The following USP43 variants were observed in gnomAD, a reference collection of about 807,000 sequenced individuals.
USP43 encodes the protein ubiquitin carboxyl-terminal hydrolase 43.
A neutral mutation model predicts 90.7 loss-of-function variants in USP43; 33 were observed. The observed-to-expected ratio is 0.36, with a 90% CI of 0.28 to 0.49. USP43 has a LOEUF of 0.49. Ranked by LOEUF, USP43 falls within the 20% of genes least tolerant of loss-of-function variation. The pLI is 0.98. For missense variants in USP43, 1,274 were observed against 1,476.4 expected (o/e 0.86, Z 2.25); for synonymous variants, 598 against 615.8 (o/e 0.97, Z 0.43).
chr17:9,649,256 G>T (rs191607090), intron 1 of USP43, among the ~76,000 whole-genome samples: 4 of 152,240 alleles, frequency 2.6e-5, no homozygotes, highest in Non-Finnish European at 5.9e-5. Context: ...GCAGTGAGCC[G>T]AGATCGTGCC....
intron 2 of USP43, among the ~76,000 whole-genome samples, chr17:9,662,334 G>T (rs1912699519): frequency 6.6e-6 from 1 of 152,112 alleles, no homozygotes; most frequent in Non-Finnish European, 1.5e-5. Flanking sequence ...CCTCCTCCAA[G>T]TGCCCTTCCC....
intron 1 of USP43, among the ~76,000 whole-genome samples, chr17:9,651,116 C>T (rs77325585): frequency 0.029 from 4,465 of 152,014 alleles, 214 homozygotes; most frequent in African/African-American, 0.1. Context: ...GCGAGGTGGA[C>T]GATTTTTCCA....
At chr17:9,675,059 A>G (rs1399499204) in intron 4 of USP43, 76 bp downstream of exon 4, 1 of 1,278,720 alleles carries the variant, frequency 7.8e-7, no homozygotes, top group Admixed American at 1.7e-5. Flanking sequence ...CTGGCCTCAC[A>G]CCTGCCATTT....
intron 9 of USP43, among the ~76,000 whole-genome samples, chr17:9,699,430 C>T (rs1216554483): frequency 6.6e-6 from 1 of 152,240 alleles, no homozygotes; most frequent in Non-Finnish European, 1.5e-5. Context: ...TTTGTGCCTT[C>T]CATGAGCTCA....
At chr17:9,656,799 G>A (rs1406475248) in intron 2 of USP43, among the ~76,000 whole-genome samples, 8 of 152,154 alleles carry the variant, frequency 5.3e-5, no homozygotes, top group Admixed American at 5.2e-4. Flanking sequence ...AATAAGAAAA[G>A]TCTTTTCTTT....
At chr17:9,718,759 G>T (rs553076535) in intron 14 of USP43, among the ~76,000 whole-genome samples, 1 of 152,028 alleles carries the variant, frequency 6.6e-6, no homozygotes, top group South Asian at 2.1e-4. Flanking sequence ...AGAATTGCTT[G>T]AACCCGGGAG....
chr17:9,704,701 A>T (rs1203308332), intron 12 of USP43, among the ~76,000 whole-genome samples: 1 of 152,022 alleles, frequency 6.6e-6, no homozygotes, highest in East Asian at 1.9e-4. Flanking sequence ...TGACACGCCC[A>T]GTACCGAGCC....
At chr17:9,687,487 T>C (rs1200824340) in intron 8 of USP43, among the ~76,000 whole-genome samples, 2 of 152,326 alleles carry the variant, frequency 1.3e-5, no homozygotes, top group South Asian at 2.1e-4. Flanking sequence ...GCCTTATTTA[T>C]TTATTCTCAG....
rs537459642 is a variant in USP43 at position 9,729,654 on chromosome 17, T to A, written c.*664T>A. Reference sequence around the variant, plus strand: ...CATTTTTTAATTTAAATATGAGATCTATGTACAATTTTAATAAAATCCTGT... The same window carrying A: ...CATTTTTTAATTTAAATATGAGATCAATGTACAATTTTAATAAAATCCTGT... On this transcript the variant is annotated 3_prime_UTR_variant, in exon 15 of 15. Transcript: ENST00000285199. The A allele has an allele frequency of 2.0e-5, 3 of 152,322 alleles. No homozygotes were observed. The South Asian group carries it at 6.2e-4, about 32-fold the overall frequency. The allele number at this position is 152,322 out of a possible 1,614,324, so 9.4% of individuals were successfully genotyped here.
chr17:9,675,087 A>T, intron 4 of USP43, 104 bp downstream of exon 4: 1 of 989,256 alleles, frequency 1.0e-6, no homozygotes, highest in Non-Finnish European at 1.6e-6. Flanking sequence ...TTTGCTTCTC[A>T]GCCAGCATTT....
Position 9,649,789 on chromosome 17 carries a change from A to G in USP43, c.504+3653A>G, listed in dbSNP as rs139366555. Among the ~76,000 whole-genome samples the G allele has an allele frequency of 4.0e-3, 602 of 152,154 alleles. 2 individuals are homozygous for G. The highest frequency in any genetic ancestry group is 4.6e-3 in the Non-Finnish European group (312 of 68,002). On this transcript the variant is annotated intron_variant, in intron 1 of 14. Coordinates refer to ENST00000285199, the MANE Select transcript of USP43 (RefSeq NM_153210.5). ...GATACGTTTCAAGGTATATACAAACAATTGAAAATTTTAGTTTTACATCCT... is the reference window on the plus strand; with the variant it reads ...GATACGTTTCAAGGTATATACAAACGATTGAAAATTTTAGTTTTACATCCT...
In USP43 at chr17:9,728,817, C is replaced by T. The variant is rs1917424295; in HGVS notation, c.3199C>T (p.Pro1067Ser). ...SRLERDVWSA[P>S]SSLRLPRKAS... The stretch of plus-strand genomic sequence containing the variant: ...GCTCGAGAGGGATGTCTGGTCAGCC[C>T]CCAGCTCTCTCCGCCTCCCTCGTAA... Residue 1067 changes from proline (P) to serine (S), a missense_variant, in exon 15 of 15, where the codon CCC (proline) becomes TCC (serine). Pro to Ser is a moderately conservative substitution (Grantham distance 74, BLOSUM62 -1). Around this residue, in one of 6 missense-constraint regions of USP43, gnomAD observed 353 missense variants for 329.7 expected, o/e 1.07. Transcript: ENST00000285199. The surrounding 1 kb of genome is among the most constrained non-coding windows in gnomAD (Gnocchi z 6.2). 1.9e-6 allele frequency: 3 copies of T among 1,613,426 alleles called. No individual in the cohort carries two copies. Among genetic ancestry groups the T allele is most frequent in the Non-Finnish European group, 2.5e-6 (3 of 1,179,728 alleles).
In USP43 at chr17:9,682,711, A is replaced by G. The variant is rs9889357; in HGVS notation, c.1106-112A>G. On this transcript the variant is annotated intron_variant, in intron 6 of 14. Coordinates refer to ENST00000285199, the MANE Select transcript of USP43 (RefSeq NM_153210.5). Reference sequence around the variant, plus strand: ...CCCTAAAGCCCTCTAGTGGCCCCCCATTGGTGGTTAATAGATGCTCAAAGA... The same window carrying G: ...CCCTAAAGCCCTCTAGTGGCCCCCCGTTGGTGGTTAATAGATGCTCAAAGA... 46 of 1,394,336 alleles carry G rather than the reference A, an allele frequency of 3.3e-5. No individual in the cohort carries two copies. In the African/African-American group the frequency reaches 5.4e-4, roughly 16 times the overall value. The allele number at this position is 1,394,336 out of a possible 1,614,324, so 86.4% of individuals were successfully genotyped here. A position where few individuals can be genotyped will look rare whatever the true frequency, so the allele number is the denominator to read the frequency against.
intron 14 of USP43, among the ~76,000 whole-genome samples, chr17:9,719,039 A>G (rs541158043): frequency 6.6e-6 from 1 of 152,150 alleles, no homozygotes; most frequent in East Asian, 1.9e-4. Flanking sequence ...GAGGCAGGAG[A>G]ATCACTTGAA....
At chr17:9,666,851 A>G (rs368665324) in intron 3 of USP43, 100 bp downstream of exon 3, 24 of 916,174 alleles carry the variant, frequency 2.6e-5, no homozygotes, top group Admixed American at 2.1e-4. Context: ...GAGATTTCAA[A>G]ACAACAAAAC....
intron 3 of USP43, among the ~76,000 whole-genome samples, chr17:9,672,729 C>G (rs1383128178): frequency 1.3e-5 from 2 of 152,068 alleles, no homozygotes; most frequent in Non-Finnish European, 2.9e-5. Context: ...CATGGGTCTC[C>G]CAAAGGGAAA....
Position 9,729,310 on chromosome 17 carries a change from G to A in USP43, c.*320G>A, listed in dbSNP as rs186609445. 2 of 194,366 alleles carry A rather than the reference G, an allele frequency of 1.0e-5. No individual in the cohort carries two copies. Among genetic ancestry groups the A allele is most frequent in the African/African-American group, 2.3e-5 (1 of 43,188 alleles). The allele number at this position is 194,366 out of a possible 1,614,324, so 12.0% of individuals were successfully genotyped here. A position where few individuals can be genotyped will look rare whatever the true frequency, so the allele number is the denominator to read the frequency against. ...AAGAGTTTTGGATGTGGGCAAACAA[G>A]ATGAGGCTGGTTTAATAAGAATCTT... is the stretch of plus-strand genomic sequence containing the variant. On this transcript the variant is annotated 3_prime_UTR_variant, in exon 15 of 15. Transcript: ENST00000285199.
In USP43 at chr17:9,712,139, T is replaced by C; in HGVS notation, c.2335+7T>C. 1 of 1,554,512 alleles carries C rather than the reference T, an allele frequency of 6.4e-7. No individual in the cohort carries two copies. The highest frequency in any genetic ancestry group is 8.7e-7 in the Non-Finnish European group (1 of 1,147,090). On this transcript the variant is annotated splice_region_variant and intron_variant, in intron 14 of 14. Transcript: ENST00000285199. ...CTCTGCAATCAGGAAAAGGGTATGTTGGTTAAATGTGCTTGGTTGATTTTC... is the reference window on the plus strand; with the variant it reads ...CTCTGCAATCAGGAAAAGGGTATGTCGGTTAAATGTGCTTGGTTGATTTTC...
intron 12 of USP43, among the ~76,000 whole-genome samples, chr17:9,707,987 T>C (rs1251560574): frequency 6.6e-6 from 1 of 152,240 alleles, no homozygotes; most frequent in Non-Finnish European, 1.5e-5. Flanking sequence ...TGACTGTGTC[T>C]GTGATAGACA....
Sources: allele counts gnomAD v4.1 joint callset (sites outside exome capture counted in the v4.1 genomes callset), GRCh38; gene constraint gnomAD v4.1.1; regional missense constraint gnomAD v4.1.1; non-coding constraint Gnocchi (gnomAD v3.1); transcripts MANE v1.5; gene names NCBI Gene and HGNC (gene_info 2026-07-23, HGNC 2026-07-21).